The following USP2 variants were observed in gnomAD, a reference collection of about 807,000 sequenced individuals.
USP2 encodes ubiquitin carboxyl-terminal hydrolase 2.
Under a neutral mutation model 72.0 loss-of-function variants are expected in USP2, and 33 were observed. The observed-to-expected ratio is 0.46, with a 90% CI of 0.35 to 0.61. The LOEUF is 0.61. Among genes scored for constraint, USP2 ranks in the 20% least tolerant of loss-of-function variants. The pLI, the probability that USP2 is intolerant of heterozygous loss-of-function variation, is 0.01. For synonymous variants in USP2, 296 were observed against 312.5 expected (o/e 0.95, Z 0.56); for missense variants, 691 against 797.8 (o/e 0.87, Z 1.61).
intron 2 of USP2, among the ~76,000 whole-genome samples, chr11:119,371,607 C>T (rs925397044): frequency 2.0e-5 from 3 of 152,210 alleles, no homozygotes; most frequent in African/African-American, 7.2e-5. Flanking sequence ...GGTCCTGCCC[C>T]TATTCCTGAA....
Position 119,357,511 on chromosome 11 carries a change from G to A in USP2, c.1581C>T (p.Asp527=), listed in dbSNP as rs758861542. Residue 527 remains aspartate (D), a synonymous_variant, in exon 11 of 13, where the codon GAC becomes GAT. Transcript: ENST00000260187. The part of the protein sequence containing the change: ...TFVNFPLRDL[D]LREFASENTN... Reference sequence around the variant, plus strand: ...TGTTTTCTGAGGCAAATTCTCTTAAGTCCAGGTCTCTTAGGGGGAAGTTCA... The same window carrying A: ...TGTTTTCTGAGGCAAATTCTCTTAAATCCAGGTCTCTTAGGGGGAAGTTCA... 6.2e-7 allele frequency: 1 copy of A among 1,614,136 alleles called. No individual in the cohort carries two copies. The highest frequency in any genetic ancestry group is 1.7e-5 in the Admixed American group (1 of 60,018).
At chr11:119,360,061 C>A in intron 3 of USP2, 123 bp downstream of exon 3, 1 of 1,225,906 alleles carries the variant, frequency 8.2e-7, no homozygotes, top group Non-Finnish European at 1.2e-6. Context: ...CCAGGAAGGG[C>A]AAGTGCCAAC....
intron 2 of USP2, among the ~76,000 whole-genome samples, chr11:119,361,928 G>A (rs1467332768): frequency 6.6e-6 from 1 of 152,170 alleles, no homozygotes; most frequent in Non-Finnish European, 1.5e-5. Context: ...AATTCCCTGG[G>A]ACAAAGACCT....
intron 2 of USP2, chr11:119,363,875 C>G: frequency 2.9e-6 from 4 of 1,378,242 alleles, no homozygotes; most frequent in Non-Finnish European, 2.8e-6. Flanking sequence ...AGGAGCCCCA[C>G]GAAGGTGGAG....
At position 119,360,184 on chromosome 11, in the gene USP2, C is replaced by G. The variant is rs199771100; in HGVS notation, c.825G>C (p.Thr275=). 26 of 1,613,524 alleles carry G rather than the reference C, an allele frequency of 1.6e-5. No individual in the cohort carries two copies. The East Asian group carries it at 5.1e-4, about 32-fold the overall frequency. ...GLAGLRNLGN[T]CFMNSILQCL... ...AAGAAGCAGGCCAGGAAAAACTCACCGTGTTCCCAAGGTTTCGAAGACCAG... is the reference window on the plus strand; with the variant it reads ...AAGAAGCAGGCCAGGAAAAACTCACGGTGTTCCCAAGGTTTCGAAGACCAG... Residue 275 remains threonine, a splice_region_variant and synonymous_variant, in exon 3 of 13, where the codon ACG becomes ACC. Coordinates refer to ENST00000260187, the MANE Select transcript of USP2 (RefSeq NM_004205.5).
chr11:119,369,057 T>C (rs956955990), intron 2 of USP2, among the ~76,000 whole-genome samples: 1 of 152,052 alleles, frequency 6.6e-6, no homozygotes, highest in Non-Finnish European at 1.5e-5. Flanking sequence ...GGCTCCTGGG[T>C]CTCTGCAGGG....
In USP2 at chr11:119,372,978, CGGCCCAGGTTCCTGG is replaced by C. The variant is rs1421644401; in HGVS notation, c.488_502del (p.Pro163_Gly167del). On this transcript the variant is annotated inframe_deletion, in exon 2 of 13. Coordinates refer to ENST00000260187, the MANE Select transcript of USP2 (RefSeq NM_004205.5). ...GCGCGTCCGGGCCAGCATGGGGCTG[CGGCCCAGGTTCCTGG>C]GGTCTATCCGGTAGCTATCTGAGGT... 1 of 1,613,666 alleles carries C rather than the reference CGGCCCAGGTTCCTGG, an allele frequency of 6.2e-7. No individual in the cohort carries two copies. The highest frequency in any genetic ancestry group is 1.3e-5 in the African/African-American group (1 of 74,910).
In USP2 at chr11:119,359,006, C is replaced by G. The variant is rs1476122955; in HGVS notation, c.1172+18G>C. ...TCACAAAAGTTTTGCTTTCCCACAG[C>G]ATTCTCCTCTTACTTACGGAAGATG... is the stretch of plus-strand genomic sequence containing the variant. On this transcript the variant is annotated intron_variant, in intron 6 of 12. Coordinates refer to ENST00000260187, the MANE Select transcript of USP2 (RefSeq NM_004205.5). 3.7e-6 allele frequency: 6 copies of G among 1,613,106 alleles called. No homozygotes were observed. In the African/African-American group the frequency reaches 8.0e-5, roughly 22 times the overall value.
At position 119,373,502 on chromosome 11, in the gene USP2, G is replaced by A. The variant is rs1322822902; in HGVS notation, c.-22C>T. The A allele has an allele frequency of 1.9e-6, 3 of 1,546,748 alleles. No individual in the cohort carries two copies. Among genetic ancestry groups the A allele is most frequent in the Non-Finnish European group, 2.6e-6 (3 of 1,153,776 alleles). On this transcript the variant is annotated 5_prime_UTR_variant, in exon 2 of 13. Coordinates refer to ENST00000260187, the MANE Select transcript of USP2 (RefSeq NM_004205.5). ...ACATCCTTCAGGGTGGCACTCAGTG[G>A]GGACTGGGAGCCTCATGGGCTGAAA...
At chr11:119,359,893 T>C (rs1204588199) in intron 3 of USP2, among the ~76,000 whole-genome samples, 1 of 152,088 alleles carries the variant, frequency 6.6e-6, no homozygotes, top group African/African-American at 2.4e-5. Flanking sequence ...CAAAAGGGCG[T>C]GATGTGATGG....
chr11:119,374,656 C>T (rs1460189941), intron 1 of USP2, among the ~76,000 whole-genome samples: 5 of 152,132 alleles, frequency 3.3e-5, no homozygotes, highest in Non-Finnish European at 7.4e-5. Context: ...AGAGGCCTTC[C>T]ATCACCGTAA....
At position 119,358,710 on chromosome 11, in the gene USP2, A is replaced by C. The variant is rs377616747; in HGVS notation, c.1237+63T>G. On this transcript the variant is annotated intron_variant, in intron 7 of 12. Coordinates refer to ENST00000260187, the MANE Select transcript of USP2 (RefSeq NM_004205.5). ...GGGAGAGTGATTCTTAGGGCTTTTCATGCTCCACTCAGGCAAGAGCAGGCA... is the reference window on the plus strand; with the variant it reads ...GGGAGAGTGATTCTTAGGGCTTTTCCTGCTCCACTCAGGCAAGAGCAGGCA... 5 of 1,578,310 alleles carry C rather than the reference A, an allele frequency of 3.2e-6. No individual in the cohort carries two copies. The African/African-American group carries it at 6.7e-5, about 21-fold the overall frequency.
chr11:119,356,140 C>T lies in USP2; in HGVS notation c.*695G>A, dbSNP rs1419256073. 6.6e-6 allele frequency: 1 copy of T among 151,848 alleles called. No individual in the cohort carries two copies. The highest frequency in any genetic ancestry group is 1.5e-5 in the Non-Finnish European group (1 of 67,986). 9.4% of individuals were successfully genotyped at this position (151,848 alleles called of 1,614,324 possible). A position where few individuals can be genotyped will look rare whatever the true frequency, so the allele number is the denominator to read the frequency against. ...CTGTGCTTGGGGCCTGGCCAACGCC[C>T]ACCTAGCACCACGGAGGGCTAGCAT... On this transcript the variant is annotated 3_prime_UTR_variant, in exon 13 of 13. Coordinates refer to ENST00000260187, the MANE Select transcript of USP2 (RefSeq NM_004205.5).
rs1409723217 is a variant in USP2, at chr11:119,355,332, T to G, written c.*1503A>C. ...TTGCCCTTGGGCTCAGGTTCACAGGTCTTCTCTGGAGAAGGGTGTCAGGCC... is the reference window on the plus strand; with the variant it reads ...TTGCCCTTGGGCTCAGGTTCACAGGGCTTCTCTGGAGAAGGGTGTCAGGCC... On this transcript the variant is annotated 3_prime_UTR_variant, in exon 13 of 13. Coordinates refer to ENST00000260187, the MANE Select transcript of USP2 (RefSeq NM_004205.5). 6.6e-6 allele frequency: 1 copy of G among 152,258 alleles called. No individual in the cohort carries two copies. The highest frequency in any genetic ancestry group is 1.5e-5 in the Non-Finnish European group (1 of 68,064). The allele number at this position is 152,258 out of a possible 1,614,324, so 9.4% of individuals were successfully genotyped here. A position where few individuals can be genotyped will look rare whatever the true frequency, so the allele number is the denominator to read the frequency against.
In USP2 at chr11:119,381,516, A is replaced by G. The variant is rs758172815; in HGVS notation, c.-85T>C. On this transcript the variant is annotated 5_prime_UTR_variant, in exon 1 of 13. An upstream start codon of the reference 5' UTR is lost. Coordinates refer to ENST00000260187, the MANE Select transcript of USP2 (RefSeq NM_004205.5). Reference sequence around the variant, plus strand: ...TGGACGAGTCGAACCGGGCACAAGCATGGAGCTGCGGGTGAGTCCCGGCTG... The same window carrying G: ...TGGACGAGTCGAACCGGGCACAAGCGTGGAGCTGCGGGTGAGTCCCGGCTG... The G allele has an allele frequency of 7.8e-6, 12 of 1,536,034 alleles. No individual in the cohort carries two copies. Among genetic ancestry groups the G allele is most frequent in the African/African-American group, 1.4e-5 (1 of 73,052 alleles).
chr11:119,363,953 C>CG (rs972856893), intron 2 of USP2: 17 of 77,468 alleles, frequency 2.2e-4, no homozygotes, highest in African/African-American at 3.9e-4. Context: ...AAGGGGGCGG[C>CG]GGGGGGGTCC....
intron 2 of USP2, among the ~76,000 whole-genome samples, chr11:119,372,134 C>T (rs571138058): frequency 6.6e-6 from 1 of 152,304 alleles, no homozygotes; most frequent in African/African-American, 2.4e-5. Flanking sequence ...AAATTTCTCC[C>T]CTACTTTCTC....
chr11:119,376,812 A>G (rs1951007966), intron 1 of USP2, among the ~76,000 whole-genome samples: 1 of 152,254 alleles, frequency 6.6e-6, no homozygotes, highest in Non-Finnish European at 1.5e-5. Flanking sequence ...TTCTGAGTCC[A>G]TCTTCTCTGC....
chr11:119,360,128 C>G (rs944580844), intron 3 of USP2, 56 bp downstream of exon 3: 14 of 1,595,932 alleles, frequency 8.8e-6, no homozygotes, highest in Admixed American at 3.4e-5. Context: ...TTATATGGCT[C>G]CAGTCAGCAT....
Sources: allele counts gnomAD v4.1 joint callset (sites outside exome capture counted in the v4.1 genomes callset), GRCh38; gene constraint gnomAD v4.1.1; transcripts MANE v1.5; gene names NCBI Gene and HGNC (gene_info 2026-07-23, HGNC 2026-07-21).